The following PARD3B variants were observed in gnomAD, a reference collection of about 807,000 sequenced individuals.
PARD3B encodes the protein partitioning defective 3 homolog B.
Under a neutral mutation model 130.2 loss-of-function variants are expected in PARD3B, and 103 were observed. The observed-to-expected ratio is 0.79, with a 90% CI of 0.67 to 0.93. The LOEUF (loss-of-function observed/expected upper bound fraction) is 0.93. PARD3B is among the 40% of genes least tolerant of loss of function. The pLI, the probability that PARD3B is intolerant of heterozygous loss-of-function variation, is 0.00. For synonymous variants in PARD3B, 583 were observed against 553.2 expected, an observed-to-expected ratio of 1.05 and a Z score of -0.76; for missense variants, 1,609 against 1,499.2, an observed-to-expected ratio of 1.07 and a Z score of -1.21.
intron 2 of PARD3B, among the ~76,000 whole-genome samples, chr2:204,747,390 C>T (rs1039698329): frequency 7.9e-5 from 12 of 152,116 alleles, no homozygotes; most frequent in Non-Finnish European, 1.5e-4. Flanking sequence ...TGAAGGACCT[C>T]TTCAAGGGGA....
rs938907566 is a variant in PARD3B at position 205,421,190 on chromosome 2, G to A, written c.2742-19180G>A. On this transcript the variant is annotated intron_variant, in intron 19 of 22. Coordinates refer to ENST00000406610, the MANE Select transcript of PARD3B (RefSeq NM_001302769.2). This position sits in a 1 kb window ranked among gnomAD's most constrained non-coding sequence, Gnocchi z 5.1. ...AGAAAATATGTGCTGTATATTGGGA[G>A]ATGATAAGACGATATCTTTGTTTAG... Among the ~76,000 whole-genome samples, 12 of 152,136 alleles carry A rather than the reference G, an allele frequency of 7.9e-5. No individual in the cohort carries two copies. Among genetic ancestry groups the A allele is most frequent in the African/African-American group, 2.9e-4 (12 of 41,448 alleles).
intron 3 of PARD3B, among the ~76,000 whole-genome samples, chr2:205,035,820 T>TATATAGTGGG (rs1491091922): frequency 4.4e-4 from 1 of 2,298 alleles, no homozygotes; most frequent in African/African-American, 8.4e-4. Flanking sequence ...TATATATATA[T>TATATAGTGGG]CTATATATCT....
chr2:204,911,556 A>G (rs188490717), intron 2 of PARD3B, among the ~76,000 whole-genome samples: 2 of 152,334 alleles, frequency 1.3e-5, no homozygotes, highest in Admixed American at 1.3e-4. Context: ...ATAAAGGTAG[A>G]GCATTAACCA....
At position 205,265,403 on chromosome 2, in the gene PARD3B, G is replaced by A. The variant is rs1303320507; in HGVS notation, c.2185+19581G>A. 7.2e-5 allele frequency among the ~76,000 whole-genome samples: 11 copies of A among 151,952 alleles called. No individual in the cohort carries two copies. The highest frequency in any genetic ancestry group is 2.0e-4 in the Admixed American group (3 of 15,232). ...TTTTGAAATTAATGTGAAGGGCTCTGTAGCTTCTTTTTCTTCCTTGGGTTT... is the reference window on the plus strand; with the variant it reads ...TTTTGAAATTAATGTGAAGGGCTCTATAGCTTCTTTTTCTTCCTTGGGTTT... On this transcript the variant is annotated intron_variant, in intron 16 of 22. Transcript: ENST00000406610. The surrounding 1 kb of genome is among the most constrained non-coding windows in gnomAD (Gnocchi z 4.3).
At chr2:205,119,078 C>G in intron 7 of PARD3B, 32 bp downstream of exon 7, 1 of 1,579,996 alleles carries the variant, frequency 6.3e-7, no homozygotes. Flanking sequence ...TATTTACTTT[C>G]TTGATCCCTA....
At chr2:204,836,187 T>C (rs1034001459) in intron 2 of PARD3B, among the ~76,000 whole-genome samples, 2 of 152,172 alleles carry the variant, frequency 1.3e-5, no homozygotes, top group African/African-American at 4.8e-5. Flanking sequence ...AGTATATAGA[T>C]ACTATTGCAT....
intron 2 of PARD3B, among the ~76,000 whole-genome samples, chr2:204,910,644 T>C (rs1362183421): frequency 6.6e-6 from 1 of 152,342 alleles, no homozygotes. Context: ...TTTGTTTGTT[T>C]GTTTTTTGTT....
At chr2:205,101,486 A>G (rs1702786488) in intron 4 of PARD3B, among the ~76,000 whole-genome samples, 1 of 152,222 alleles carries the variant, frequency 6.6e-6, no homozygotes, top group Non-Finnish European at 1.5e-5. Flanking sequence ...GTTCCTCAAA[A>G]TGTTAAACAT....
chr2:204,900,658 C>T (rs1430758047), intron 2 of PARD3B, among the ~76,000 whole-genome samples: 5 of 152,132 alleles, frequency 3.3e-5, no homozygotes, highest in East Asian at 3.9e-4. Context: ...GTCATATTTT[C>T]CTGGACCTTC....
chr2:205,042,875 G>A (rs1284370782), intron 3 of PARD3B, among the ~76,000 whole-genome samples: 1 of 138,792 alleles, frequency 7.2e-6, no homozygotes, highest in East Asian at 2.2e-4. Flanking sequence ...ATTTAACTGT[G>A]TGAAAAAAAA....
chr2:205,080,734 AT>A (rs1559418124), intron 4 of PARD3B, among the ~76,000 whole-genome samples: 1 of 152,130 alleles, frequency 6.6e-6, no homozygotes, highest in Non-Finnish European at 1.5e-5. Flanking sequence ...ATACTAAATT[AT>A]ACTCACACCA....
intron 4 of PARD3B, among the ~76,000 whole-genome samples, chr2:205,102,456 C>T (rs1702849949): frequency 6.6e-6 from 1 of 151,732 alleles, no homozygotes; most frequent in Non-Finnish European, 1.5e-5. Context: ...CCGCCCAACC[C>T]TGTCTCCACT....
chr2:204,873,196 G>A (rs1354350607), intron 2 of PARD3B, among the ~76,000 whole-genome samples: 1 of 152,164 alleles, frequency 6.6e-6, no homozygotes, highest in Non-Finnish European at 1.5e-5. Context: ...TCCTTTACAG[G>A]TAGAATCTTG....
chr2:205,138,119 T>C (rs190871780), intron 10 of PARD3B, among the ~76,000 whole-genome samples: 23 of 152,324 alleles, frequency 1.5e-4, no homozygotes, highest in Non-Finnish European at 3.1e-4. Context: ...GGACTGTCAG[T>C]AGATGGTTGA....
At chr2:204,773,439 A>G (rs116103181) in intron 2 of PARD3B, among the ~76,000 whole-genome samples, 58 of 152,218 alleles carry the variant, frequency 3.8e-4, no homozygotes, top group African/African-American at 1.3e-3. Flanking sequence ...GTTGTTTTAT[A>G]TAAATCATAC....
chr2:205,003,885 A>G (rs1695047549), intron 3 of PARD3B, among the ~76,000 whole-genome samples: 2 of 152,242 alleles, frequency 1.3e-5, no homozygotes, highest in South Asian at 4.1e-4. Flanking sequence ...GAGGGGCATG[A>G]TATGGTTTGT....
At chr2:204,824,945 T>C (rs1201905300) in intron 2 of PARD3B, among the ~76,000 whole-genome samples, 1 of 152,112 alleles carries the variant, frequency 6.6e-6, no homozygotes, top group African/African-American at 2.4e-5. Context: ...GTGTTCTCAT[T>C]GGTGGTTGCT....
Position 205,368,659 on chromosome 2 carries a change from T to C in PARD3B, c.2631-32354T>C, listed in dbSNP as rs555235999. Among the ~76,000 whole-genome samples the C allele has an allele frequency of 2.0e-5, 3 of 152,138 alleles. No individual in the cohort carries two copies. In the South Asian group the frequency reaches 6.2e-4, roughly 32 times the overall value. ...AAATAAAAGTTGTAAAATAAAAAAT[T>C]CAAATAAAAGAATAGACAATCCCCT... On this transcript the variant is annotated intron_variant, in intron 18 of 22. Transcript: ENST00000406610.
chr2:204,689,011 A>G lies in PARD3B; in HGVS notation c.222+2729A>G, dbSNP rs541993111. On this transcript the variant is annotated intron_variant, in intron 2 of 22. Transcript: ENST00000406610. This position sits in a 1 kb window ranked among gnomAD's most constrained non-coding sequence, Gnocchi z 5.2. Reference sequence around the variant, plus strand: ...TAAGGAACTGTTGGTCTATTGCAGCATATCAGGCAGGAAAAACAGAAACTT... The same window carrying G: ...TAAGGAACTGTTGGTCTATTGCAGCGTATCAGGCAGGAAAAACAGAAACTT... Among the ~76,000 whole-genome samples, 1 of 152,180 alleles carries G rather than the reference A, an allele frequency of 6.6e-6. No individual in the cohort carries two copies. The highest frequency in any genetic ancestry group is 6.6e-5 in the Admixed American group (1 of 15,266).
Sources: gnomAD v4.1 joint callset for allele counts (sites outside exome capture counted in the v4.1 genomes callset) on GRCh38, gnomAD v4.1.1 for gene constraint, Gnocchi (gnomAD v3.1) non-coding constraint, MANE v1.5 for transcripts, NCBI Gene and HGNC (gene_info 2026-07-23, HGNC 2026-07-21) for gene names.